Variants in MGAT5 observed in about 807,000 individuals in gnomAD.
MGAT5 encodes the protein alpha-1,6-mannosylglycoprotein 6-beta-N-acetylglucosaminyltransferase.
In MGAT5, 30 loss-of-function variants were observed where a neutral mutation model predicts 94.3. The observed-to-expected ratio is 0.32, with a 90% CI of 0.24 to 0.43. The LOEUF (loss-of-function observed/expected upper bound fraction) is 0.43. MGAT5 is among the 20% of genes least tolerant of loss of function. The pLI, the probability that MGAT5 is intolerant of heterozygous loss-of-function variation, is 1.00. For synonymous variants in MGAT5, 310 were observed against 322.9 expected, an observed-to-expected ratio of 0.96 and a Z score of 0.43; for missense variants, 691 against 905.5, an observed-to-expected ratio of 0.76 and a Z score of 3.04.
intron 1 of MGAT5, among the ~76,000 whole-genome samples, chr2:134,140,049 T>A (rs1686590014): frequency 1.3e-5 from 2 of 152,132 alleles, no homozygotes; most frequent in Admixed American, 1.3e-4. Flanking sequence ...AAGTCCTTCC[T>A]CCATCAGGAG....
At chr2:134,366,426 T>A (rs1680433959) in intron 10 of MGAT5, among the ~76,000 whole-genome samples, 1 of 152,242 alleles carries the variant, frequency 6.6e-6, no homozygotes, top group South Asian at 2.1e-4. Context: ...ATGATCCTAC[T>A]ATGATCTTAA....
intron 1 of MGAT5, among the ~76,000 whole-genome samples, chr2:134,166,728 A>G (rs1687978724): frequency 6.6e-6 from 1 of 152,262 alleles, no homozygotes; most frequent in African/African-American, 2.4e-5. Flanking sequence ...TTTATTTAAT[A>G]TTTAGGAAAT....
intron 4 of MGAT5, among the ~76,000 whole-genome samples, chr2:134,327,752 GAACA>G (rs1687723187): frequency 2.0e-5 from 3 of 152,102 alleles, no homozygotes; most frequent in Admixed American, 6.6e-5. Context: ...AATATTATGA[GAACA>G]TACAAGGGCT....
intron 1 of MGAT5, among the ~76,000 whole-genome samples, chr2:134,126,546 C>T (rs1047375014): frequency 6.6e-5 from 10 of 152,188 alleles, no homozygotes; most frequent in Non-Finnish European, 1.3e-4. Context: ...AGCAGGCAGC[C>T]GAAAAGCTTA....
chr2:134,263,119 G>A (rs561108725), intron 1 of MGAT5, among the ~76,000 whole-genome samples: 5 of 152,262 alleles, frequency 3.3e-5, no homozygotes, highest in African/African-American at 9.6e-5. Flanking sequence ...AAGAAGGTGC[G>A]GGCCCTGGCA....
intron 10 of MGAT5, among the ~76,000 whole-genome samples, chr2:134,373,698 G>A (rs16830508): frequency 0.013 from 1,999 of 152,276 alleles, 34 homozygotes; most frequent in African/African-American, 0.046. Context: ...TCAATACTGA[G>A]ATACCGGGGT....
chr2:134,258,149 G>A (rs945401622), intron 1 of MGAT5, among the ~76,000 whole-genome samples: 7 of 105,698 alleles, frequency 6.6e-5, no homozygotes, highest in South Asian at 3.4e-4. Context: ...TGACCTATGC[G>A]CCAAATTCAG....
intron 9 of MGAT5, among the ~76,000 whole-genome samples, chr2:134,350,585 A>G: frequency 6.6e-6 from 1 of 152,156 alleles, no homozygotes; most frequent in East Asian, 1.9e-4. Flanking sequence ...AGGCTCTTAG[A>G]CATTTTCTGT....
intron 1 of MGAT5, among the ~76,000 whole-genome samples, chr2:134,189,602 G>GTTGTTGTTTTTTTTTTTTTTT (rs1689232395): frequency 1.2e-5 from 1 of 84,672 alleles, no homozygotes; most frequent in African/African-American, 4.8e-5. Flanking sequence ...GTTTTTTTTT[G>GTTGTTGTTTTTTTTTTTTTTT]TTTTTTTTTT....
Position 134,343,660 on chromosome 2 carries a change from G to A in MGAT5, c.978-1270G>A, listed in dbSNP as rs1212926148. ...GGTAGGACACAGCCATAAGTATTTT[G>A]TGATGCCTCCAGGTAATTTCATTAT... On this transcript the variant is annotated intron_variant, in intron 7 of 15. Transcript: ENST00000281923. Among the ~76,000 whole-genome samples the A allele has an allele frequency of 2.0e-5, 3 of 152,160 alleles. No homozygotes were observed. In the East Asian group the frequency reaches 5.8e-4, roughly 29 times the overall value.
intron 2 of MGAT5, among the ~76,000 whole-genome samples, chr2:134,293,299 T>A (rs1685483295): frequency 1.3e-5 from 2 of 152,324 alleles, no homozygotes; most frequent in East Asian, 3.9e-4. Flanking sequence ...CTAGGCTGGT[T>A]ACTTGTGCTG....
At chr2:134,269,041 T>C (rs1683873914) in intron 1 of MGAT5, among the ~76,000 whole-genome samples, 1 of 152,240 alleles carries the variant, frequency 6.6e-6, no homozygotes, top group Non-Finnish European at 1.5e-5. Flanking sequence ...TCAGTTTTCT[T>C]ATCTGTAAAA....
At chr2:134,441,418 A>C (rs1234506535) in intron 14 of MGAT5, among the ~76,000 whole-genome samples, 2 of 152,258 alleles carry the variant, frequency 1.3e-5, no homozygotes, top group Non-Finnish European at 2.9e-5. Context: ...GCCTGGCTGC[A>C]TAAGTGTTGA....
chr2:134,270,527 C>G lies in MGAT5; in HGVS notation c.383C>G (p.Ala128Gly). The G allele has an allele frequency of 6.2e-7, 1 of 1,614,154 alleles. No individual in the cohort carries two copies. Among genetic ancestry groups the G allele is most frequent in the Non-Finnish European group, 8.5e-7 (1 of 1,180,014 alleles). The change falls in exon 2 of 16, where the codon GCA (alanine) becomes GGA (glycine). Residue 128 changes from alanine to glycine, a missense_variant. By Grantham distance (60) the Ala-to-Gly change is moderately conservative. This residue lies in a region of MGAT5 where 307 missense variants were observed against 335.4 expected (regional missense o/e 0.92). Transcript: ENST00000281923. ...ACTACAGCTGTTCCCAGCTTGGTTGCACTTGAGAAAATTAATGTGGCAGGT... is the reference window on the plus strand; with the variant it reads ...ACTACAGCTGTTCCCAGCTTGGTTGGACTTGAGAAAATTAATGTGGCAGGT... ...NSTTAVPSLV[A>G]LEKINVADII...
intron 1 of MGAT5, among the ~76,000 whole-genome samples, chr2:134,194,223 A>G (rs1339159986): frequency 6.6e-6 from 1 of 152,182 alleles, no homozygotes. Context: ...CTGTATCCCT[A>G]AATAACTATG....
intron 5 of MGAT5, 128 bp from the exon 6 acceptor site, chr2:134,338,131 A>C (rs1381194812): frequency 1.6e-5 from 12 of 769,718 alleles, no homozygotes; most frequent in Non-Finnish European, 2.4e-5. Context: ...TGCAGCAGAC[A>C]AGACTTACTT....
At chr2:134,309,863 C>A (rs939406329) in intron 2 of MGAT5, among the ~76,000 whole-genome samples, 1 of 152,038 alleles carries the variant, frequency 6.6e-6, no homozygotes, top group African/African-American at 2.4e-5. Flanking sequence ...CAGCTTAATT[C>A]GACAATTCTG....
intron 1 of MGAT5, among the ~76,000 whole-genome samples, chr2:134,176,723 T>G (rs1452362357): frequency 2.6e-5 from 4 of 152,152 alleles, no homozygotes; most frequent in Admixed American, 6.5e-5. Context: ...GCTATAAAAG[T>G]TTCTAGAACA....
intron 15 of MGAT5, among the ~76,000 whole-genome samples, chr2:134,447,037 G>A (rs1020222332): frequency 1.3e-5 from 2 of 152,218 alleles, no homozygotes; most frequent in African/African-American, 2.4e-5. Flanking sequence ...GAGTAGGAGA[G>A]AAAATGATGC....
Sources: allele counts gnomAD v4.1 joint callset (sites outside exome capture counted in the v4.1 genomes callset), GRCh38; gene constraint gnomAD v4.1.1; regional missense constraint gnomAD v4.1.1; transcripts MANE v1.5; gene names NCBI Gene and HGNC (gene_info 2026-07-23, HGNC 2026-07-21).